Variants in PLA2G4A observed in about 807,000 individuals in gnomAD.
PLA2G4A encodes cytosolic phospholipase A2.
PLA2G4A carries 40 observed loss-of-function variants against 81.9 expected under a neutral mutation model. The observed-to-expected ratio is 0.49, with a 90% CI of 0.38 to 0.64. The LOEUF (loss-of-function observed/expected upper bound fraction) is 0.64. Among genes scored for constraint, PLA2G4A ranks in the 30% least tolerant of loss-of-function variants. The pLI is 0.00. For missense variants in PLA2G4A, 715 were observed against 905.1 expected (o/e 0.79, Z 2.69); for synonymous variants, 302 against 296.9 (o/e 1.02, Z -0.18).
chr1:186,954,428 A>G (rs6425063), intron 13 of PLA2G4A, among the ~76,000 whole-genome samples: 144,937 of 152,010 alleles, frequency 0.95, 69,134 homozygotes, highest in East Asian at 1. Flanking sequence ...ATCACACACC[A>G]GGGCCTGTCA....
intron 15 of PLA2G4A, among the ~76,000 whole-genome samples, chr1:186,969,691 T>C (rs536754322): frequency 1.3e-5 from 2 of 151,978 alleles, no homozygotes; most frequent in Non-Finnish European, 2.9e-5. Context: ...CTTAACATAA[T>C]GTCCTCTAGT....
intron 8 of PLA2G4A, 50 bp from the exon 9 acceptor site, chr1:186,938,958 G>A (rs753720750): frequency 1.0e-6 from 1 of 958,514 alleles, no homozygotes; most frequent in Admixed American, 1.7e-5. Flanking sequence ...TTTGGAGACT[G>A]TTGTGTAATG....
intron 17 of PLA2G4A, among the ~76,000 whole-genome samples, chr1:186,986,345 G>C (rs934220835): frequency 6.6e-6 from 1 of 152,140 alleles, no homozygotes; most frequent in Admixed American, 6.5e-5. Flanking sequence ...TGTTTAGAAA[G>C]CAAATAGTTG....
At chr1:186,870,614 A>G (rs190911741) in intron 3 of PLA2G4A, 98 bp downstream of exon 3, 5 of 1,167,966 alleles carry the variant, frequency 4.3e-6, no homozygotes, top group East Asian at 2.5e-5. Flanking sequence ...GCCTTCTTCA[A>G]ATGTGGTTAT....
chr1:186,840,208 A>G (rs1651930419), intron 1 of PLA2G4A, among the ~76,000 whole-genome samples: 1 of 151,882 alleles, frequency 6.6e-6, no homozygotes, highest in Admixed American at 6.6e-5. Context: ...ATACTCTATA[A>G]AGGGGTCCCT....
intron 3 of PLA2G4A, among the ~76,000 whole-genome samples, chr1:186,888,092 C>T (rs1027563176): frequency 2.6e-5 from 4 of 152,216 alleles, no homozygotes; most frequent in East Asian, 3.9e-4. Flanking sequence ...AAATTAGAAA[C>T]GCTGCCACTC....
At chr1:186,931,217 T>C (rs1333223879) in intron 7 of PLA2G4A, among the ~76,000 whole-genome samples, 1 of 152,236 alleles carries the variant, frequency 6.6e-6, no homozygotes, top group East Asian at 1.9e-4. Flanking sequence ...CCCATATACA[T>C]CTATATAAAG....
Position 186,939,194 on chromosome 1 carries a change from C to A in PLA2G4A, c.882C>A (p.Ile294=), listed in dbSNP as rs1656057627. The A allele has an allele frequency of 3.1e-6, 5 of 1,600,430 alleles. No individual in the cohort carries two copies. The Admixed American group carries it at 6.7e-5, about 21-fold the overall frequency. Residue 294 remains isoleucine (I), a synonymous_variant, in exon 9 of 18, where the codon ATC becomes ATA. Coordinates refer to ENST00000367466, the MANE Select transcript of PLA2G4A (RefSeq NM_024420.3). ...SSGQPVTFTD[I]FGMLIGETLI... ...GACAACCTGTCACCTTTACTGATATCTTTGGGATGTTAATAGGAGAAACAC... is the reference window on the plus strand; with the variant it reads ...GACAACCTGTCACCTTTACTGATATATTTGGGATGTTAATAGGAGAAACAC...
chr1:186,920,779 C>T (rs771571022), intron 7 of PLA2G4A, among the ~76,000 whole-genome samples: 39 of 152,330 alleles, frequency 2.6e-4, no homozygotes, highest in Non-Finnish European at 4.7e-4. Flanking sequence ...GTCGGCGTTT[C>T]GCCTAGCCTG....
chr1:186,943,321 G>A (rs12128380), intron 10 of PLA2G4A, among the ~76,000 whole-genome samples: 38,545 of 152,042 alleles, frequency 0.25, 5,390 homozygotes, highest in Admixed American at 0.4. Context: ...TTGCTGAAAG[G>A]ACTTAAAACG....
chr1:186,831,007 T>TTTCTTTCTTTCC (rs2101990268), intron 1 of PLA2G4A, among the ~76,000 whole-genome samples: 1 of 145,272 alleles, frequency 6.9e-6, no homozygotes, highest in African/African-American at 2.6e-5. Context: ...TCTTTCTTTC[T>TTTCTTTCTTTCC]TTCTTTCTTT....
chr1:186,838,823 TAAAG>T (rs1426196250), intron 1 of PLA2G4A, among the ~76,000 whole-genome samples: 2 of 152,174 alleles, frequency 1.3e-5, no homozygotes, highest in African/African-American at 4.8e-5. Context: ...TTCCACAATG[TAAAG>T]ATGTGTAAAA....
chr1:186,933,699 A>T (rs1655832335), intron 8 of PLA2G4A, among the ~76,000 whole-genome samples: 1 of 152,122 alleles, frequency 6.6e-6, no homozygotes, highest in Non-Finnish European at 1.5e-5. Flanking sequence ...ATATCGTATT[A>T]TATATGTCTA....
chr1:186,975,084 C>G (rs1248080335), intron 15 of PLA2G4A, among the ~76,000 whole-genome samples: 1 of 152,152 alleles, frequency 6.6e-6, no homozygotes, highest in African/African-American at 2.4e-5. Flanking sequence ...TGCCCTCACG[C>G]AATTGCTCCA....
chr1:186,939,056 AGAG>A lies in PLA2G4A; in HGVS notation c.748_750del (p.Glu250del). 6.2e-7 allele frequency: 1 copy of A among 1,611,158 alleles called. No homozygotes were observed. Among genetic ancestry groups the A allele is most frequent in the South Asian group, 1.1e-5 (1 of 91,028 alleles). On this transcript the variant is annotated inframe_deletion, in exon 9 of 18. Coordinates refer to ENST00000367466, the MANE Select transcript of PLA2G4A (RefSeq NM_024420.3). ...ACCCTGATTTTCCAGAGAAAGGGCC[AGAG>A]GAGATTAATGAAGAACTAATGAAAA...
chr1:186,876,579 C>T (rs1434037406), intron 3 of PLA2G4A, among the ~76,000 whole-genome samples: 2 of 152,122 alleles, frequency 1.3e-5, no homozygotes, highest in Non-Finnish European at 2.9e-5. Flanking sequence ...TGTTTGCCAT[C>T]ACTGGCATCA....
intron 2 of PLA2G4A, among the ~76,000 whole-genome samples, chr1:186,868,337 C>G (rs1036789869): frequency 1.3e-5 from 2 of 152,166 alleles, no homozygotes; most frequent in African/African-American, 4.8e-5. Flanking sequence ...TTCCGCCTCC[C>G]AAAGTGCTGG....
At chr1:186,873,858 C>T (rs1653374018) in intron 3 of PLA2G4A, among the ~76,000 whole-genome samples, 1 of 152,024 alleles carries the variant, frequency 6.6e-6, no homozygotes, top group Admixed American at 6.6e-5. Flanking sequence ...GCTGCCAGTT[C>T]CTTCCCAGAC....
intron 5 of PLA2G4A, among the ~76,000 whole-genome samples, chr1:186,895,693 G>A (rs1201421129): frequency 6.6e-6 from 1 of 152,184 alleles, no homozygotes; most frequent in Non-Finnish European, 1.5e-5. Context: ...GCTATGGGAA[G>A]GCAGAATAAA....
Sources: allele counts gnomAD v4.1 joint callset (sites outside exome capture counted in the v4.1 genomes callset), GRCh38; gene constraint gnomAD v4.1.1; transcripts MANE v1.5; gene names NCBI Gene and HGNC (gene_info 2026-07-23, HGNC 2026-07-21).